LOC112267897: variants seen among roughly 807,000 people sequenced by gnomAD.
At chr13:63,746,908 T>C in the LOC112267897 span, 13 of 1,448,052 alleles carry the variant, frequency 9.0e-6, no homozygotes, top group African/African-American at 5.8e-5. Flanking sequence ...GCTGTGGCTA[T>C]GGAACTGGCT....
the LOC112267897 span, chr13:63,746,869 T>TGTGGCTATGGCTCTAGA: frequency 2.4e-6 from 1 of 409,986 alleles, no homozygotes; most frequent in Non-Finnish European, 3.5e-6. Context: ...ATGGCTCTGG[T>TGTGGCTATGGCTCTAGA]TATGGCTATG....
the LOC112267897 span, chr13:63,747,029 A>T: frequency 6.3e-7 from 1 of 1,577,390 alleles, no homozygotes; most frequent in Non-Finnish European, 8.7e-7. Context: ...CTCTGGCTAC[A>T]GCTGTGGCTA....
chr13:63,746,992 T>A, the LOC112267897 span: 1 of 1,475,202 alleles, frequency 6.8e-7, no homozygotes, highest in African/African-American at 1.4e-5. Flanking sequence ...GCTGTGGCTA[T>A]GGAACTGGCT....
the LOC112267897 span, chr13:63,747,321 C>G: frequency 1.7e-6 from 1 of 599,970 alleles, no homozygotes; most frequent in East Asian, 2.9e-5. Flanking sequence ...CCTCTAGCCT[C>G]ACATTTCTTT....
the LOC112267897 span, chr13:63,746,920 C>A: frequency 6.9e-7 from 1 of 1,447,238 alleles, no homozygotes; most frequent in Admixed American, 1.7e-5. Flanking sequence ...GAACTGGCTA[C>A]AGCTGTGGCT....
the LOC112267897 span, chr13:63,747,309 G>T: frequency 1.5e-6 from 1 of 657,428 alleles, no homozygotes; most frequent in East Asian, 2.9e-5. Flanking sequence ...CAGAGTCTTG[G>T]ACCTCTAGCC....
chr13:63,746,992 T>C, the LOC112267897 span: 1 of 1,475,202 alleles, frequency 6.8e-7, no homozygotes, highest in Non-Finnish European at 9.5e-7. Flanking sequence ...GCTGTGGCTA[T>C]GGAACTGGCT....
At chr13:63,746,964 G>T in the LOC112267897 span, 3 of 1,416,218 alleles carry the variant, frequency 2.1e-6, no homozygotes, top group Non-Finnish European at 3.0e-6. Flanking sequence ...TATGGCTGTG[G>T]CTATGGCTCC....
At chr13:63,747,036 G>T in the LOC112267897 span, 17 of 1,592,092 alleles carry the variant, frequency 1.1e-5, no homozygotes, top group Admixed American at 1.0e-4. Flanking sequence ...TACAGCTGTG[G>T]CTATGGCTCT....
chr13:63,746,980 T>C, the LOC112267897 span: 1 of 1,441,058 alleles, frequency 6.9e-7, no homozygotes, highest in South Asian at 1.1e-5. Context: ...GCTCCAGCTA[T>C]GGCTGTGGCT....
At chr13:63,747,171 G>C in the LOC112267897 span, 1 of 1,572,276 alleles carries the variant, frequency 6.4e-7, no homozygotes, top group Non-Finnish European at 8.7e-7. Flanking sequence ...TGCTTTAGAA[G>C]ATGCTATTCT....
the LOC112267897 span, chr13:63,747,165 T>G: frequency 3.1e-4 from 487 of 1,578,632 alleles, 4 homozygotes; most frequent in Middle Eastern, 2.1e-3. Flanking sequence ...CCATTTTGCT[T>G]TAGAAGATGC....
chr13:63,747,234 T>C, the LOC112267897 span: 2 of 1,239,420 alleles, frequency 1.6e-6, no homozygotes, highest in Non-Finnish European at 2.3e-6. Context: ...ATGACACGGC[T>C]AAAGATAATA....
chr13:63,746,800 C>T, the LOC112267897 span: 1 of 1,492,198 alleles, frequency 6.7e-7, no homozygotes, highest in Non-Finnish European at 9.2e-7. Context: ...CTCTTGACAA[C>T]ATGTGTTGCA....
At chr13:63,747,708 C>T in the LOC112267897 span, 28 of 122,478 alleles carry the variant, frequency 2.3e-4, no homozygotes, top group East Asian at 5.0e-3. Flanking sequence ...CACTGATCCA[C>T]CCAGAACAAT....
chr13:63,747,066 G>C, the LOC112267897 span: 16,172 of 1,605,230 alleles, frequency 0.01, 1,432 homozygotes, highest in African/African-American at 0.15. Context: ...TGTGGCTATG[G>C]AACTGGCTTC....
chr13:63,748,142 C>T, the LOC112267897 span: 2 of 34,446 alleles, frequency 5.8e-5, no homozygotes, highest in East Asian at 8.4e-4. Flanking sequence ...CCATCAACTG[C>T]CTAATGAAAC....
chr13:63,747,151 C>A, the LOC112267897 span: 15 of 1,588,434 alleles, frequency 9.4e-6, no homozygotes, highest in East Asian at 3.1e-4. Context: ...ACTGTGGCTA[C>A]CGGCCATTTT....
the LOC112267897 span, chr13:63,747,875 C>T: frequency 2.1e-5 from 2 of 93,222 alleles, no homozygotes; most frequent in African/African-American, 7.0e-5. Flanking sequence ...TATTGTGTTA[C>T]AATTGCCTAT....
Sources: gnomAD v4.1 joint callset for allele counts on GRCh38, gnomAD v4.1.1 for gene constraint, MANE v1.5 for transcripts.